Variants in SEMA5A observed in about 807,000 individuals in gnomAD.
SEMA5A encodes the protein semaphorin 5A.
SEMA5A carries 55 observed loss-of-function variants against 135.5 expected under a neutral mutation model. The observed-to-expected ratio is 0.41, with a 90% CI of 0.33 to 0.51. The LOEUF (loss-of-function observed/expected upper bound fraction) is 0.51. SEMA5A is among the 20% of genes least tolerant of loss of function. The probability of loss-of-function intolerance (pLI) is 0.37; values close to 1 mark genes in which losing one functional copy is unlikely to be tolerated. For missense variants in SEMA5A, 1,290 were observed against 1,419.9 expected, an observed-to-expected ratio of 0.91 and a Z score of 1.47; for synonymous variants, 580 against 546.5, an observed-to-expected ratio of 1.06 and a Z score of -0.85.
intron 2 of SEMA5A, among the ~76,000 whole-genome samples, chr5:9,404,597 A>G (rs887533167): frequency 6.6e-6 from 1 of 152,158 alleles, no homozygotes; most frequent in African/African-American, 2.4e-5. Context: ...ACTTAATCAA[A>G]TTGTTTAAAA....
intron 5 of SEMA5A, among the ~76,000 whole-genome samples, chr5:9,283,691 A>G (rs556489340): frequency 6.6e-6 from 1 of 152,238 alleles, no homozygotes; most frequent in East Asian, 1.9e-4. Flanking sequence ...AATTCCACCT[A>G]CCACACTCCT....
chr5:9,175,634 G>C (rs553574391), intron 11 of SEMA5A, among the ~76,000 whole-genome samples: 1 of 152,082 alleles, frequency 6.6e-6, no homozygotes, highest in East Asian at 1.9e-4. Flanking sequence ...TTTGCTCATG[G>C]AGCACTTGCA....
chr5:9,166,534 G>C (rs547340148), intron 11 of SEMA5A, among the ~76,000 whole-genome samples: 116 of 152,306 alleles, frequency 7.6e-4, no homozygotes, highest in African/African-American at 2.7e-3. Context: ...TAAATGATAA[G>C]TCCTATTCAA....
At chr5:9,171,643 T>C (rs1248474907) in intron 11 of SEMA5A, among the ~76,000 whole-genome samples, 1 of 152,158 alleles carries the variant, frequency 6.6e-6, no homozygotes, top group East Asian at 1.9e-4. Context: ...CCAGTTCTTA[T>C]TGGGCAGCAG....
At chr5:9,258,524 T>C (rs1256293388) in intron 5 of SEMA5A, among the ~76,000 whole-genome samples, 3 of 152,112 alleles carry the variant, frequency 2.0e-5, no homozygotes, top group Non-Finnish European at 2.9e-5. Flanking sequence ...TACAAGACAA[T>C]GGAAGAAGTC....
intron 1 of SEMA5A, among the ~76,000 whole-genome samples, chr5:9,476,527 T>A (rs956758097): frequency 2.0e-5 from 3 of 152,156 alleles, no homozygotes; most frequent in Non-Finnish European, 4.4e-5. Flanking sequence ...AGGAGGGTTA[T>A]GGCAAGAGCA....
At chr5:9,272,976 C>A (rs150391307) in intron 5 of SEMA5A, among the ~76,000 whole-genome samples, 1 of 152,124 alleles carries the variant, frequency 6.6e-6, no homozygotes, top group African/African-American at 2.4e-5. Context: ...AACTCCTCAC[C>A]AGCAAGGGAA....
chr5:9,193,173 G>T (rs1745206448), intron 10 of SEMA5A, among the ~76,000 whole-genome samples: 1 of 152,112 alleles, frequency 6.6e-6, no homozygotes, highest in Non-Finnish European at 1.5e-5. Flanking sequence ...AGTATTCAGA[G>T]TTATAGAATC....
At chr5:9,060,233 C>T (rs1318731153) in intron 18 of SEMA5A, among the ~76,000 whole-genome samples, 1 of 152,190 alleles carries the variant, frequency 6.6e-6, no homozygotes, top group Non-Finnish European at 1.5e-5. Flanking sequence ...GTTATTTCAA[C>T]ATATTAAAGT....
chr5:9,122,707 C>G lies in SEMA5A; in HGVS notation c.1730G>C (p.Cys577Ser). ...TRSCDSPAPQ[C>S]GGWQCEGPGM... ...AGGGCCCTCGCACTGCCAGCCACCA[C>G]ACTGCGGGGCCGGGCTGTCGCAGGA... The change falls in exon 14 of 23, where the codon TGT (cysteine) becomes TCT (serine). Residue 577 changes from cysteine (C) to serine (S), a missense_variant. Around this residue, in one of 3 missense-constraint regions of SEMA5A, gnomAD observed 1,029 missense variants for 1,086.6 expected, o/e 0.95. Coordinates refer to ENST00000382496, the MANE Select transcript of SEMA5A (RefSeq NM_003966.3). 1 of 1,613,074 alleles carries G rather than the reference C, an allele frequency of 6.2e-7. No homozygotes were observed. The highest frequency in any genetic ancestry group is 1.7e-5 in the Admixed American group (1 of 59,962).
At chr5:9,231,136 T>C (rs983120219) in intron 6 of SEMA5A, among the ~76,000 whole-genome samples, 5 of 152,140 alleles carry the variant, frequency 3.3e-5, no homozygotes, top group Non-Finnish European at 5.9e-5. Flanking sequence ...GAGCAGAAGA[T>C]AAATTTGGGA....
At chr5:9,337,955 G>C (rs1753470154) in intron 3 of SEMA5A, 143 bp from the exon 4 acceptor site, 3 of 578,748 alleles carry the variant, frequency 5.2e-6, no homozygotes, top group Non-Finnish European at 8.8e-6. Context: ...AGAGGCCACT[G>C]GAGGTTTCCC....
At chr5:9,135,511 G>A (rs2150216528) in intron 13 of SEMA5A, among the ~76,000 whole-genome samples, 1 of 152,072 alleles carries the variant, frequency 6.6e-6, no homozygotes, top group East Asian at 2.0e-4. Flanking sequence ...TGAAGGACAG[G>A]CTTTATGAAT....
chr5:9,534,110 TA>T (rs1244019048), intron 1 of SEMA5A, among the ~76,000 whole-genome samples: 4 of 152,298 alleles, frequency 2.6e-5, no homozygotes, highest in African/African-American at 7.2e-5. Context: ...AAGGCTTAAT[TA>T]AACCCAGTAG....
intron 5 of SEMA5A, among the ~76,000 whole-genome samples, chr5:9,248,719 T>C (rs1748611346): frequency 2.6e-5 from 4 of 152,094 alleles, no homozygotes; most frequent in Admixed American, 2.6e-4. Flanking sequence ...GAAGGAAATA[T>C]GACCGTGGAG....
intron 16 of SEMA5A, among the ~76,000 whole-genome samples, chr5:9,099,319 T>C (rs1348173424): frequency 6.6e-6 from 1 of 152,232 alleles, no homozygotes; most frequent in Admixed American, 6.5e-5. Flanking sequence ...TGTGGCATTT[T>C]CACTTTGACA....
At chr5:9,379,276 C>G (rs906897131) in intron 3 of SEMA5A, among the ~76,000 whole-genome samples, 1 of 151,982 alleles carries the variant, frequency 6.6e-6, no homozygotes, top group South Asian at 2.1e-4. Context: ...TTGAGTGCCC[C>G]GGGTGTGAAG....
chr5:9,211,677 T>C (rs1746353767), intron 8 of SEMA5A, among the ~76,000 whole-genome samples: 1 of 152,184 alleles, frequency 6.6e-6, no homozygotes, highest in Non-Finnish European at 1.5e-5. Context: ...AATTTCTCCT[T>C]GACTTAAGCA....
chr5:9,523,040 A>G (rs1031028126), intron 1 of SEMA5A: 1 of 152,212 alleles, frequency 6.6e-6, no homozygotes, highest in African/African-American at 2.4e-5. Flanking sequence ...TTTCATGTAC[A>G]CAGCTAATAA....
Sources: allele counts gnomAD v4.1 joint callset (sites outside exome capture counted in the v4.1 genomes callset), GRCh38; gene constraint gnomAD v4.1.1; regional missense constraint gnomAD v4.1.1; transcripts MANE v1.5; gene names NCBI Gene and HGNC (gene_info 2026-07-23, HGNC 2026-07-21).